Variants in RPS6KC1 observed in about 807,000 individuals in gnomAD.
RPS6KC1 encodes ribosomal protein S6 kinase C1.
In RPS6KC1, 54 loss-of-function variants were observed where a neutral mutation model predicts 103.8. The ratio of observed to expected loss-of-function variants is 0.52; its 90% CI spans 0.42 to 0.65. RPS6KC1 has a LOEUF of 0.65. RPS6KC1 is among the 30% of genes least tolerant of loss of function. The pLI is 0.00. For synonymous variants in RPS6KC1, 439 were observed against 438.7 expected (o/e 1.00, Z -0.01); for missense variants, 1,151 against 1,253.8 (o/e 0.92, Z 1.24).
the RPS6KC1 span, among the ~76,000 whole-genome samples, chr1:213,522,948 A>T: frequency 6.6e-6 from 1 of 152,342 alleles, no homozygotes; most frequent in East Asian, 1.9e-4. Flanking sequence ...CTTTTCATTC[A>T]CAACTGGGGT....
chr1:213,310,806 G>C, the RPS6KC1 span, among the ~76,000 whole-genome samples: 2 of 152,346 alleles, frequency 1.3e-5, no homozygotes, highest in East Asian at 3.9e-4. Context: ...GTAAGAATTT[G>C]TCTTAAAATT....
the RPS6KC1 span, among the ~76,000 whole-genome samples, chr1:213,453,677 G>T: frequency 6.6e-6 from 1 of 152,156 alleles, no homozygotes; most frequent in Non-Finnish European, 1.5e-5. Flanking sequence ...AAGCACTTTG[G>T]GGTAACAGTA....
chr1:213,829,959 G>A, the RPS6KC1 span, among the ~76,000 whole-genome samples: 6 of 152,114 alleles, frequency 3.9e-5, no homozygotes, highest in Admixed American at 6.6e-5. Context: ...GGCAGAAGCC[G>A]CTCTCACCCC....
At chr1:213,858,253 T>C in the RPS6KC1 span, among the ~76,000 whole-genome samples, 1 of 152,240 alleles carries the variant, frequency 6.6e-6, no homozygotes, top group Admixed American at 6.5e-5. Context: ...TGATTATCCC[T>C]GTTGAAAGAT....
At chr1:213,598,048 T>G in the RPS6KC1 span, among the ~76,000 whole-genome samples, 1 of 152,144 alleles carries the variant, frequency 6.6e-6, no homozygotes, top group African/African-American at 2.4e-5. Flanking sequence ...TAATTGTGGG[T>G]TTTGCCATTG....
At chr1:213,492,946 C>G in the RPS6KC1 span, among the ~76,000 whole-genome samples, 88 of 152,256 alleles carry the variant, frequency 5.8e-4, no homozygotes, top group Middle Eastern at 0.01. Context: ...AAAGTAGAGC[C>G]GCATTCTAGA....
the RPS6KC1 span, among the ~76,000 whole-genome samples, chr1:213,797,050 A>G: frequency 6.6e-6 from 1 of 152,230 alleles, no homozygotes; most frequent in Non-Finnish European, 1.5e-5. Context: ...GATGACTACT[A>G]AGTATCAAAT....
chr1:213,829,290 C>T, the RPS6KC1 span, among the ~76,000 whole-genome samples: 4 of 100,782 alleles, frequency 4.0e-5, no homozygotes, highest in East Asian at 2.5e-4. Context: ...AAAAAAAAAG[C>T]ACCTCTTGCT....
chr1:213,803,185 C>T, the RPS6KC1 span, among the ~76,000 whole-genome samples: 148 of 151,340 alleles, frequency 9.8e-4, no homozygotes, highest in African/African-American at 3.4e-3. Context: ...CCAGATTATT[C>T]CACATGGTCC....
At chr1:213,283,415 AG>A in the RPS6KC1 span, among the ~76,000 whole-genome samples, 1 of 152,196 alleles carries the variant, frequency 6.6e-6, no homozygotes, top group Non-Finnish European at 1.5e-5. Flanking sequence ...TTAATCCCAA[AG>A]TACAAGCAGT....
At chr1:213,383,109 C>T in the RPS6KC1 span, among the ~76,000 whole-genome samples, 2 of 152,250 alleles carry the variant, frequency 1.3e-5, no homozygotes, top group Non-Finnish European at 1.5e-5. Context: ...GTCGTGTGTC[C>T]TGCTGAGTGT....
intron 6 of RPS6KC1, among the ~76,000 whole-genome samples, chr1:213,155,182 T>A (rs1439173944): frequency 6.6e-6 from 1 of 152,042 alleles, no homozygotes; most frequent in Non-Finnish European, 1.5e-5. Context: ...AGGAATGGCG[T>A]GTCTTTTGGA....
the RPS6KC1 span, among the ~76,000 whole-genome samples, chr1:213,466,393 G>A: frequency 2.0e-5 from 3 of 152,240 alleles, no homozygotes; most frequent in South Asian, 2.1e-4. Flanking sequence ...AAACATGCTC[G>A]AATGAATAAA....
the RPS6KC1 span, among the ~76,000 whole-genome samples, chr1:213,408,105 T>C: frequency 2.6e-5 from 4 of 152,234 alleles, no homozygotes; most frequent in Non-Finnish European, 4.4e-5. Context: ...TCTGTCCTTA[T>C]AATGTCAGAA....
intron 8 of RPS6KC1, among the ~76,000 whole-genome samples, chr1:213,192,828 TC>T (rs1404818908): frequency 6.6e-6 from 1 of 152,184 alleles, no homozygotes; most frequent in South Asian, 2.1e-4. Context: ...TGTAGACACT[TC>T]CAGGTGTAAA....
downstream of RPS6KC1, among the ~76,000 whole-genome samples, chr1:213,276,575 G>T (rs567227024): frequency 6.6e-6 from 1 of 152,116 alleles, no homozygotes; most frequent in Non-Finnish European, 1.5e-5. Flanking sequence ...TGGATTTTTG[G>T]TTTTTCAGAG....
chr1:213,779,149 C>A, the RPS6KC1 span, among the ~76,000 whole-genome samples: 1 of 152,128 alleles, frequency 6.6e-6, no homozygotes, highest in East Asian at 1.9e-4. Flanking sequence ...AAATATTCCC[C>A]ATTTCAGGAG....
intron 10 of RPS6KC1, among the ~76,000 whole-genome samples, chr1:213,239,640 T>A (rs1168817747): frequency 6.6e-6 from 1 of 152,198 alleles, no homozygotes; most frequent in African/African-American, 2.4e-5. Flanking sequence ...TTACAATAAA[T>A]ATGTGCTGAA....
At chr1:213,685,429 A>C in the RPS6KC1 span, among the ~76,000 whole-genome samples, 2 of 152,126 alleles carry the variant, frequency 1.3e-5, no homozygotes, top group Admixed American at 6.6e-5. Flanking sequence ...TCAGGAGTTT[A>C]AGACCAGCCT....
Sources: gnomAD v4.1 joint callset for allele counts (sites outside exome capture counted in the v4.1 genomes callset) on GRCh38, gnomAD v4.1.1 for gene constraint, MANE v1.5 for transcripts, NCBI Gene and HGNC (gene_info 2026-07-23, HGNC 2026-07-21) for gene names.